Variants in MED12L observed in about 807,000 individuals in gnomAD.
The protein encoded by MED12L is mediator of RNA polymerase II transcription subunit 12-like protein.
In MED12L, 60 loss-of-function variants were observed where a neutral mutation model predicts 281.3. The observed-to-expected ratio is 0.21, with a 90% CI of 0.17 to 0.26. MED12L has a LOEUF of 0.26. MED12L is among the 10% of genes least tolerant of loss of function. The pLI is 1.00. For missense variants in MED12L, 2,146 were observed against 2,680.9 expected, an observed-to-expected ratio of 0.80 and a Z score of 4.41; for synonymous variants, 974 against 987.2, an observed-to-expected ratio of 0.99 and a Z score of 0.25.
intron 2 of MED12L, among the ~76,000 whole-genome samples, chr3:151,111,669 G>A (rs1027765464): frequency 6.6e-6 from 1 of 152,182 alleles, no homozygotes; most frequent in African/African-American, 2.4e-5. Context: ...CCCCATTGTT[G>A]TCGTGTTGCA....
At chr3:151,301,442 A>AAG (rs145814390) in intron 16 of MED12L, among the ~76,000 whole-genome samples, 284 of 152,056 alleles carry the variant, frequency 1.9e-3, no homozygotes, top group African/African-American at 6.4e-3. Context: ...CAGTTGCAGT[A>AAG]AGAGAGAGAG....
At chr3:151,118,232 A>T (rs2148750033) in intron 3 of MED12L, among the ~76,000 whole-genome samples, 1 of 152,304 alleles carries the variant, frequency 6.6e-6, no homozygotes, top group South Asian at 2.1e-4. Context: ...AATGAAAAGA[A>T]ATCAGACATG....
In MED12L at chr3:151,422,908, TA is replaced by T. The variant is rs1242293569; in HGVS notation, c.6408+6487del. Among the ~76,000 whole-genome samples the T allele has an allele frequency of 2.1e-4, 32 of 148,852 alleles. No homozygotes were observed. The East Asian group carries it at 2.6e-3, about 12-fold the overall frequency. On this transcript the variant is annotated intron_variant, in intron 43 of 44. Coordinates refer to ENST00000687756, the MANE Select transcript of MED12L (RefSeq NM_001393769.1). ...GTTTTATTTAGAATTAATGAAAATA[TA>T]TTTTTTTGTTCTTTTGTTGCTGTTG... is the stretch of plus-strand genomic sequence containing the variant.
intron 16 of MED12L, among the ~76,000 whole-genome samples, chr3:151,210,095 G>T (rs1455792470): frequency 6.6e-6 from 1 of 152,158 alleles, no homozygotes; most frequent in African/African-American, 2.4e-5. Context: ...CCAGATGAAA[G>T]AAGTGCTTCT....
intron 16 of MED12L, among the ~76,000 whole-genome samples, chr3:151,282,668 G>A (rs1742974545): frequency 1.3e-5 from 2 of 152,160 alleles, no homozygotes; most frequent in Admixed American, 1.3e-4. Flanking sequence ...AGTCAACTTA[G>A]TACTGTATTA....
intron 16 of MED12L, chr3:151,261,375 A>G (rs1043943454): frequency 1.3e-5 from 2 of 152,134 alleles, no homozygotes; most frequent in African/African-American, 4.8e-5. Context: ...CTGATAGTCA[A>G]GTGTAGCCTA....
intron 16 of MED12L, 178 bp downstream of exon 16, chr3:151,193,844 A>C (rs1724287439): frequency 2.1e-6 from 1 of 482,596 alleles, no homozygotes; most frequent in Admixed American, 3.7e-5. Context: ...AGGTTGTCCG[A>C]ATTTGTAGTG....
intron 16 of MED12L, among the ~76,000 whole-genome samples, chr3:151,245,528 A>G (rs1290538749): frequency 2.0e-5 from 3 of 148,538 alleles, no homozygotes; most frequent in Non-Finnish European, 4.5e-5. Flanking sequence ...CCACATGATT[A>G]TCTCAATAGA....
At chr3:151,145,012 G>C (rs1576822348) in intron 5 of MED12L, among the ~76,000 whole-genome samples, 1 of 152,072 alleles carries the variant, frequency 6.6e-6, no homozygotes, top group East Asian at 1.9e-4. Flanking sequence ...TTTCTTCTGG[G>C]CCCTCGCTCT....
intron 16 of MED12L, among the ~76,000 whole-genome samples, chr3:151,206,540 A>G (rs1369289027): frequency 6.6e-6 from 1 of 151,782 alleles, no homozygotes; most frequent in Non-Finnish European, 1.5e-5. Context: ...AAGAACTTTT[A>G]AAGATTATCT....
chr3:151,367,204 G>C (rs188178382), intron 23 of MED12L, among the ~76,000 whole-genome samples: 5 of 152,164 alleles, frequency 3.3e-5, no homozygotes, highest in Non-Finnish European at 1.5e-5. Flanking sequence ...ATCCTTAGTA[G>C]TTACCACTGA....
At chr3:151,266,373 T>C (rs546224953) in intron 16 of MED12L, among the ~76,000 whole-genome samples, 1 of 152,352 alleles carries the variant, frequency 6.6e-6, no homozygotes, top group East Asian at 1.9e-4. Context: ...GAAGAGACTT[T>C]TAGGATCACA....
At chr3:151,422,517 G>A (rs549829672) in intron 43 of MED12L, among the ~76,000 whole-genome samples, 14 of 152,254 alleles carry the variant, frequency 9.2e-5, no homozygotes, top group East Asian at 3.9e-4. Flanking sequence ...GTGCATATAC[G>A]TGTCTACTTT....
At chr3:151,334,584 C>A (rs936491144) in intron 16 of MED12L, among the ~76,000 whole-genome samples, 1 of 152,120 alleles carries the variant, frequency 6.6e-6, no homozygotes, top group Non-Finnish European at 1.5e-5. Flanking sequence ...CGGCTCACTG[C>A]AACCTCGTGT....
intron 12 of MED12L, among the ~76,000 whole-genome samples, chr3:151,187,212 T>G (rs1017302605): frequency 6.6e-6 from 1 of 152,222 alleles, no homozygotes; most frequent in Non-Finnish European, 1.5e-5. Flanking sequence ...AGTTGGACTA[T>G]TCTGTGGTGA....
At chr3:151,203,336 C>A (rs1725911491) in intron 16 of MED12L, 1 of 151,348 alleles carries the variant, frequency 6.6e-6, no homozygotes, top group Non-Finnish European at 1.5e-5. Flanking sequence ...TTAATGTATA[C>A]AATTTCATGT....
At chr3:151,130,699 C>T (rs1715257449) in intron 5 of MED12L, among the ~76,000 whole-genome samples, 1 of 152,208 alleles carries the variant, frequency 6.6e-6, no homozygotes. Context: ...GCACATGGGC[C>T]TGCTCCCTTG....
chr3:151,109,697 A>C (rs929278151), intron 2 of MED12L, among the ~76,000 whole-genome samples: 1 of 152,140 alleles, frequency 6.6e-6, no homozygotes, highest in African/African-American at 2.4e-5. Flanking sequence ...GTGTACAACT[A>C]TTTTGCCCTA....
At chr3:151,214,154 T>C (rs771257232) in intron 16 of MED12L, 14 of 1,613,966 alleles carry the variant, frequency 8.7e-6, no homozygotes, top group Non-Finnish European at 1.1e-5. Context: ...ATGATGAAAC[T>C]CTTAGAGCTG....
Sources: gnomAD v4.1 joint callset for allele counts (sites outside exome capture counted in the v4.1 genomes callset) on GRCh38, gnomAD v4.1.1 for gene constraint, MANE v1.5 for transcripts, NCBI Gene and HGNC (gene_info 2026-07-23, HGNC 2026-07-21) for gene names.